The following ESYT2 variants were observed in gnomAD, a reference collection of about 807,000 sequenced individuals.
ESYT2 encodes extended synaptotagmin-2.
Under a neutral mutation model 107.2 loss-of-function variants are expected in ESYT2, and 54 were observed. The observed-to-expected ratio is 0.50, with a 90% CI of 0.40 to 0.63. The LOEUF (loss-of-function observed/expected upper bound fraction) is 0.63. Among genes scored for constraint, ESYT2 ranks in the 30% least tolerant of loss-of-function variants. The pLI, the probability that ESYT2 is intolerant of heterozygous loss-of-function variation, is 0.00. For synonymous variants in ESYT2, 491 were observed against 434.1 expected, an observed-to-expected ratio of 1.13 and a Z score of -1.63; for missense variants, 1,020 against 1,094.5, an observed-to-expected ratio of 0.93 and a Z score of 0.96.
At chr7:158,782,398 A>G (rs1838914453) in intron 6 of ESYT2, among the ~76,000 whole-genome samples, 1 of 148,266 alleles carries the variant, frequency 6.7e-6, no homozygotes, top group African/African-American at 2.5e-5. Context: ...AAGAACGAGA[A>G]CAAGTGAGTG....
intron 4 of ESYT2, among the ~76,000 whole-genome samples, 173 bp from the exon 5 acceptor site, chr7:158,788,590 TG>T (rs1368102656): frequency 2.0e-5 from 3 of 152,186 alleles, no homozygotes; most frequent in African/African-American, 4.8e-5. Context: ...CTGCTCCAGG[TG>T]TGCAGGCTGT....
intron 1 of ESYT2, among the ~76,000 whole-genome samples, chr7:158,826,002 C>G (rs1173956412): frequency 1.4e-5 from 2 of 147,082 alleles, no homozygotes; most frequent in Admixed American, 6.8e-5. Flanking sequence ...CTGGACAACG[C>G]GGTAAGAACT....
chr7:158,771,192 C>A (rs1322181814), intron 7 of ESYT2, among the ~76,000 whole-genome samples: 3 of 152,214 alleles, frequency 2.0e-5, no homozygotes, highest in Non-Finnish European at 4.4e-5. Context: ...CATTCTCTGA[C>A]TGCCCTTTCA....
In ESYT2 at chr7:158,829,503, C is replaced by T; in HGVS notation, c.-85G>A. ...CGGGCGGCTCAGCCCCGCGCCAGCG[C>T]CCCTCTGAGGGGACGCGGCTCCGCC... On this transcript the variant is annotated 5_prime_UTR_variant, in exon 1 of 23. Transcript: ENST00000275418. The T allele has an allele frequency of 8.0e-7, 1 of 1,243,898 alleles. No individual in the cohort carries two copies. The highest frequency in any genetic ancestry group is 1.0e-6 in the Non-Finnish European group (1 of 994,300). The allele number at this position is 1,243,898 out of a possible 1,614,324, so 77.1% of individuals were successfully genotyped here. A position where few individuals can be genotyped will look rare whatever the true frequency, so the allele number is the denominator to read the frequency against.
In ESYT2 at chr7:158,803,807, C is replaced by A. The variant is rs2602558; in HGVS notation, c.331-4735G>T. 7.8e-5 allele frequency among the ~76,000 whole-genome samples: 9 copies of A among 115,668 alleles called. No homozygotes were observed. In the East Asian group the frequency reaches 1.0e-3, roughly 13 times the overall value. 75.9% of individuals were successfully genotyped at this position (115,668 alleles called of 152,430 possible). A position where few individuals can be genotyped will look rare whatever the true frequency, so the allele number is the denominator to read the frequency against. On this transcript the variant is annotated intron_variant, in intron 1 of 22. Coordinates refer to ENST00000275418, the MANE Select transcript of ESYT2 (RefSeq NM_001367773.1). Reference sequence around the variant, plus strand: ...GGTGAGGCGCGTGACAAACCCAAACCGTTGAGAAGGGTGAGGCGCGCGACA... The same window carrying A: ...GGTGAGGCGCGTGACAAACCCAAACAGTTGAGAAGGGTGAGGCGCGCGACA...
intron 1 of ESYT2, 111 bp from the exon 2 acceptor site, chr7:158,799,183 C>G: frequency 2.2e-6 from 2 of 922,832 alleles, no homozygotes; most frequent in Non-Finnish European, 3.4e-6. Context: ...CAAGATGCTT[C>G]TTTAAAACAC....
Position 158,773,922 on chromosome 7 carries a change from T to C in ESYT2, c.748-526A>G, listed in dbSNP as rs1264835624. ...AAAAACAATACTAAAAGCCAGCCTA[T>C]CTGGCAGTTAAATAATGGACTTTAT... On this transcript the variant is annotated intron_variant, in intron 6 of 22. Transcript: ENST00000275418. Among the ~76,000 whole-genome samples the C allele has an allele frequency of 2.6e-5, 4 of 152,212 alleles. No individual in the cohort carries two copies. The East Asian group carries it at 7.7e-4, about 29-fold the overall frequency.
At chr7:158,758,866 AAAC>A (rs1338944974) in intron 13 of ESYT2, among the ~76,000 whole-genome samples, 2 of 152,210 alleles carry the variant, frequency 1.3e-5, no homozygotes, top group African/African-American at 2.4e-5. Flanking sequence ...ATTACCTATA[AAAC>A]AACATTTTAC....
In ESYT2 at chr7:158,772,044, C is replaced by T. The variant is rs558968062; in HGVS notation, c.803+1297G>A. Among the ~76,000 whole-genome samples, 8 of 152,062 alleles carry T rather than the reference C, an allele frequency of 5.3e-5. No individual in the cohort carries two copies. In the East Asian group the frequency reaches 1.5e-3, roughly 29 times the overall value. ...GCTGAGGCAGGGAGAATTGCTTGAA[C>T]CTGGGAGGTGGTGCTTGCAGTGAGC... On this transcript the variant is annotated intron_variant, in intron 7 of 22. Transcript: ENST00000275418.
chr7:158,826,693 C>A (rs1167875976), intron 1 of ESYT2, among the ~76,000 whole-genome samples: 2 of 150,962 alleles, frequency 1.3e-5, no homozygotes, highest in Non-Finnish European at 2.9e-5. Context: ...TGGTGGTGTG[C>A]GCCTGTAGTC....
intron 12 of ESYT2, 74 bp from the exon 13 acceptor site, chr7:158,759,655 A>T: frequency 8.1e-7 from 1 of 1,227,190 alleles, no homozygotes; most frequent in Non-Finnish European, 1.2e-6. Context: ...TGATTGTATC[A>T]TGTTGATTAC....
chr7:158,814,287 TTATATATA>T lies in ESYT2; in HGVS notation c.330+14794_330+14801del, dbSNP rs58908927. On this transcript the variant is annotated intron_variant, in intron 1 of 22. Coordinates refer to ENST00000275418, the MANE Select transcript of ESYT2 (RefSeq NM_001367773.1). ...AGACTCCGTCTCAAAAAAAAAAAAA[TTATATATA>T]TATATATATATATATATATATATAT... is the stretch of plus-strand genomic sequence containing the variant. 2.7e-3 allele frequency among the ~76,000 whole-genome samples: 181 copies of T among 66,640 alleles called. 1 individual carries two copies. Among genetic ancestry groups the T allele is most frequent in the South Asian group, 5.4e-3 (10 of 1,844 alleles). 43.7% of individuals were successfully genotyped at this position (66,640 alleles called of 152,430 possible).
chr7:158,809,271 A>T (rs1329812323), intron 1 of ESYT2, among the ~76,000 whole-genome samples: 1 of 151,844 alleles, frequency 6.6e-6, no homozygotes, highest in Non-Finnish European at 1.5e-5. Context: ...ACGTCAAGAG[A>T]TCAAGACCAT....
intron 5 of ESYT2, 65 bp from the exon 6 acceptor site, chr7:158,788,158 G>C: frequency 7.3e-7 from 1 of 1,370,542 alleles, no homozygotes; most frequent in Non-Finnish European, 1.0e-6. Context: ...TTAACGCAAG[G>C]AGTTTGCATG....
chr7:158,815,469 A>C (rs926849175), intron 1 of ESYT2, among the ~76,000 whole-genome samples: 1 of 150,866 alleles, frequency 6.6e-6, no homozygotes, highest in Admixed American at 6.6e-5. Context: ...ATTCAGGCAC[A>C]CTCCTTCCCC....
At chr7:158,801,422 A>T (rs1839641623) in intron 1 of ESYT2, among the ~76,000 whole-genome samples, 1 of 152,240 alleles carries the variant, frequency 6.6e-6, no homozygotes, top group South Asian at 2.1e-4. Context: ...GATTTGAACA[A>T]AGCAAATCTG....
chr7:158,739,384 T>C (rs960155014), intron 18 of ESYT2, among the ~76,000 whole-genome samples: 2 of 152,218 alleles, frequency 1.3e-5, no homozygotes, highest in African/African-American at 4.8e-5. Flanking sequence ...TTCACTCTTG[T>C]TGCCTAGGCT....
chr7:158,774,618 A>G (rs993414651), intron 6 of ESYT2, among the ~76,000 whole-genome samples: 1 of 152,254 alleles, frequency 6.6e-6, no homozygotes, highest in African/African-American at 2.4e-5. Flanking sequence ...TGCCACAGCA[A>G]AATATTCTGG....
chr7:158,782,712 G>A (rs1838953610), intron 6 of ESYT2, among the ~76,000 whole-genome samples: 1 of 152,228 alleles, frequency 6.6e-6, no homozygotes, highest in Non-Finnish European at 1.5e-5. Flanking sequence ...ATCTGCAAGA[G>A]AACAAGTGTG....
Sources: gnomAD v4.1 joint callset for allele counts (sites outside exome capture counted in the v4.1 genomes callset) on GRCh38, gnomAD v4.1.1 for gene constraint, MANE v1.5 for transcripts, NCBI Gene and HGNC (gene_info 2026-07-23, HGNC 2026-07-21) for gene names.